OR1J2: variants seen among roughly 807,000 people sequenced by gnomAD.
OR1J2 encodes olfactory receptor 1J2.
For missense variants in OR1J2, 304 were observed against 246.1 expected, an observed-to-expected ratio of 1.24 and a Z score of -1.57; for synonymous variants, 142 against 99.7, an observed-to-expected ratio of 1.42 and a Z score of -2.52.
the OR1J2 span, among the ~76,000 whole-genome samples, chr9:122,476,642 G>T: frequency 6.6e-6 from 1 of 152,020 alleles, no homozygotes; most frequent in Non-Finnish European, 1.5e-5. Flanking sequence ...ATATTACATG[G>T]GATGTTTTAA....
chr9:122,502,210 G>T, the OR1J2 span, among the ~76,000 whole-genome samples: 3 of 152,304 alleles, frequency 2.0e-5, no homozygotes, highest in East Asian at 5.8e-4. Context: ...TGAGTGGGGA[G>T]TTCTCAGAGT....
At chr9:122,461,923 T>C in the OR1J2 span, among the ~76,000 whole-genome samples, 1 of 152,198 alleles carries the variant, frequency 6.6e-6, no homozygotes, top group African/African-American at 2.4e-5. Flanking sequence ...TGTAAATATG[T>C]GTTAAGTCCA....
At chr9:122,579,108 T>C in the OR1J2 span, among the ~76,000 whole-genome samples, 4 of 152,036 alleles carry the variant, frequency 2.6e-5, no homozygotes, top group East Asian at 1.9e-4. Flanking sequence ...ACAAGGATAG[T>C]ACACGTAAGA....
At chr9:122,527,416 C>T in the OR1J2 span, 4 of 617,800 alleles carry the variant, frequency 6.5e-6, no homozygotes, top group South Asian at 2.1e-5. Context: ...ACTTTATCTT[C>T]ATTCTGATCC....
the OR1J2 span, among the ~76,000 whole-genome samples, chr9:122,466,861 C>A: frequency 6.6e-6 from 1 of 152,086 alleles, no homozygotes; most frequent in African/African-American, 2.4e-5. Flanking sequence ...TCTTATCTCC[C>A]AGGCTGGAGT....
At chr9:122,543,508 G>A in the OR1J2 span, among the ~76,000 whole-genome samples, 3 of 152,116 alleles carry the variant, frequency 2.0e-5, no homozygotes, top group African/African-American at 7.2e-5. Context: ...TGGCCCAGAT[G>A]CTCATATTCT....
the OR1J2 span, among the ~76,000 whole-genome samples, chr9:122,449,548 T>G: frequency 7.2e-5 from 11 of 152,076 alleles, no homozygotes; most frequent in African/African-American, 2.4e-4. Context: ...TTTTTGTATT[T>G]TTAGTAGAGA....
the OR1J2 span, among the ~76,000 whole-genome samples, chr9:122,542,516 T>G: frequency 6.6e-6 from 1 of 152,200 alleles, no homozygotes; most frequent in African/African-American, 2.4e-5. Context: ...TTCCCAACAT[T>G]GTATTAGAAA....
chr9:122,568,109 G>T, the OR1J2 span: 1 of 1,614,060 alleles, frequency 6.2e-7, no homozygotes, highest in South Asian at 1.1e-5. Context: ...CGGCCACATA[G>T]CGGTCAAAGG....
chr9:122,493,173 G>T, the OR1J2 span, among the ~76,000 whole-genome samples: 22 of 151,704 alleles, frequency 1.5e-4, no homozygotes, highest in African/African-American at 4.8e-4. Flanking sequence ...TTCTTTTTTT[G>T]TTATCTTTCC....
At chr9:122,488,338 C>A in the OR1J2 span, among the ~76,000 whole-genome samples, 1 of 152,046 alleles carries the variant, frequency 6.6e-6, no homozygotes, top group Admixed American at 6.6e-5. Context: ...GGGGTTTTGC[C>A]ATGTTGCCCA....
At chr9:122,460,368 G>A in the OR1J2 span, among the ~76,000 whole-genome samples, 4 of 152,032 alleles carry the variant, frequency 2.6e-5, no homozygotes, top group Admixed American at 6.6e-5. Context: ...GTTGAATAGG[G>A]TGTCCTTTCC....
chr9:122,475,055 T>G, the OR1J2 span: 1 of 152,232 alleles, frequency 6.6e-6, no homozygotes, highest in Non-Finnish European at 1.5e-5. Flanking sequence ...ATTTGGACAT[T>G]TCTCTAATTT....
chr9:122,519,139 G>A, the OR1J2 span: 17 of 1,584,688 alleles, frequency 1.1e-5, no homozygotes, highest in Non-Finnish European at 1.5e-5. Context: ...AAGACTGTCA[G>A]CATGAAGAGG....
the OR1J2 span, chr9:122,567,331 CAAGA>C: frequency 2.4e-6 from 1 of 414,458 alleles, no homozygotes; most frequent in Non-Finnish European, 4.3e-6. Context: ...TAAATCTTTC[CAAGA>C]AAGAGGAGAC....
chr9:122,532,314 C>A, the OR1J2 span, among the ~76,000 whole-genome samples: 18 of 152,172 alleles, frequency 1.2e-4, no homozygotes, highest in Admixed American at 2.6e-4. Flanking sequence ...TTCTAACAGG[C>A]GGGCTAGTGG....
chr9:122,532,731 G>C, the OR1J2 span, among the ~76,000 whole-genome samples: 209 of 152,254 alleles, frequency 1.4e-3, no homozygotes, highest in African/African-American at 4.8e-3. Flanking sequence ...CCGCTGCACG[G>C]AGACATGATG....
the OR1J2 span, among the ~76,000 whole-genome samples, chr9:122,524,153 A>G: frequency 6.6e-6 from 1 of 152,240 alleles, no homozygotes; most frequent in Non-Finnish European, 1.5e-5. Flanking sequence ...AATAAATCCT[A>G]TCACAGAAAT....
At chr9:122,573,239 A>G in the OR1J2 span, among the ~76,000 whole-genome samples, 1 of 152,234 alleles carries the variant, frequency 6.6e-6, no homozygotes, top group Admixed American at 6.5e-5. Flanking sequence ...TGGAAATAAC[A>G]GTTAACAGAG....
Sources: gnomAD v4.1 joint callset for allele counts (sites outside exome capture counted in the v4.1 genomes callset) on GRCh38, gnomAD v4.1.1 for gene constraint, MANE v1.5 for transcripts, NCBI Gene and HGNC (gene_info 2026-07-23, HGNC 2026-07-21) for gene names.